Variants in BMPR2 observed in about 807,000 individuals in gnomAD.
BMPR2 encodes bone morphogenetic protein receptor type-2.
A neutral mutation model predicts 100.8 loss-of-function variants in BMPR2; 29 were observed. The observed-to-expected ratio is 0.29, with a 90% CI of 0.21 to 0.39. BMPR2 has a LOEUF of 0.39. BMPR2 is among the 10% of genes least tolerant of loss of function. The pLI, the probability that BMPR2 is intolerant of heterozygous loss-of-function variation, is 1.00. For synonymous variants in BMPR2, 382 were observed against 442.3 expected (o/e 0.86, Z 1.71); for missense variants, 1,011 against 1,274.5 (o/e 0.79, Z 3.15).
chr2:202,428,726 C>T (rs1178952475), intron 1 of BMPR2, among the ~76,000 whole-genome samples: 4 of 152,124 alleles, frequency 2.6e-5, no homozygotes. Context: ...CACATGTGTA[C>T]ACACGCATAC....
intron 7 of BMPR2, among the ~76,000 whole-genome samples, chr2:202,524,392 G>A (rs1687871938): frequency 6.6e-6 from 1 of 150,874 alleles, no homozygotes; most frequent in African/African-American, 2.4e-5. Context: ...TACCTGTTGG[G>A]TACTATGCTC....
At chr2:202,476,354 A>T (rs1230439942) in intron 3 of BMPR2, among the ~76,000 whole-genome samples, 1 of 152,152 alleles carries the variant, frequency 6.6e-6, no homozygotes, top group African/African-American at 2.4e-5. Flanking sequence ...ATATGCAAAA[A>T]CTAATTACCC....
intron 12 of BMPR2, among the ~76,000 whole-genome samples, chr2:202,556,814 G>T: frequency 6.6e-6 from 1 of 150,802 alleles, no homozygotes; most frequent in East Asian, 1.9e-4. Context: ...GCCAGGCGCG[G>T]TGGCTCACGC....
At chr2:202,458,778 TTA>T (rs1574459986) in intron 1 of BMPR2, among the ~76,000 whole-genome samples, 1 of 152,226 alleles carries the variant, frequency 6.6e-6, no homozygotes, top group East Asian at 1.9e-4. Flanking sequence ...GCAAACTTAC[TTA>T]TAATTACAAT....
At chr2:202,410,863 G>A (rs1375709486) in intron 1 of BMPR2, among the ~76,000 whole-genome samples, 1 of 152,130 alleles carries the variant, frequency 6.6e-6, no homozygotes, top group East Asian at 1.9e-4. Context: ...ACAGACGTGA[G>A]CCACTGCGCC....
intron 3 of BMPR2, among the ~76,000 whole-genome samples, chr2:202,506,843 T>A (rs1448642422): frequency 6.6e-6 from 1 of 151,998 alleles, no homozygotes; most frequent in African/African-American, 2.4e-5. Flanking sequence ...GAGGTTGCAG[T>A]GAGCTGAGAT....
chr2:202,506,896 G>A (rs1687529253), intron 3 of BMPR2, among the ~76,000 whole-genome samples: 1 of 151,442 alleles, frequency 6.6e-6, no homozygotes, highest in Non-Finnish European at 1.5e-5. Flanking sequence ...GCGAAACTCT[G>A]TCTCAAAAAA....
At chr2:202,387,247 A>C (rs1380537442) in intron 1 of BMPR2, among the ~76,000 whole-genome samples, 1 of 152,244 alleles carries the variant, frequency 6.6e-6, no homozygotes, top group African/African-American at 2.4e-5. Context: ...CAGTGGCTAC[A>C]ATTAGTTAAT....
chr2:202,457,555 T>TAG (rs1173505874), intron 1 of BMPR2, among the ~76,000 whole-genome samples: 27 of 99,984 alleles, frequency 2.7e-4, no homozygotes, highest in Admixed American at 1.4e-3. Flanking sequence ...TATATATATA[T>TAG]ATATATAGAG....
intron 1 of BMPR2, among the ~76,000 whole-genome samples, chr2:202,397,653 C>A (rs922562400): frequency 2.0e-4 from 31 of 151,460 alleles, no homozygotes; most frequent in African/African-American, 7.3e-4. Context: ...GGCATGCCAC[C>A]ACGCCCACCT....
chr2:202,446,960 A>T (rs992023597), intron 1 of BMPR2, among the ~76,000 whole-genome samples: 2 of 148,834 alleles, frequency 1.3e-5, no homozygotes, highest in Non-Finnish European at 2.9e-5. Context: ...ATAAATTTTT[A>T]AAAATGCAGT....
intron 1 of BMPR2, among the ~76,000 whole-genome samples, chr2:202,462,497 G>A (rs972233654): frequency 3.9e-5 from 6 of 152,118 alleles, no homozygotes; most frequent in African/African-American, 1.4e-4. Flanking sequence ...GGGATTACAG[G>A]CGTGAGCCAC....
chr2:202,474,591 T>C (rs1692504047), intron 3 of BMPR2: 1 of 152,100 alleles, frequency 6.6e-6, no homozygotes, highest in Non-Finnish European at 1.5e-5. Flanking sequence ...CTCACTCGGC[T>C]CACTGCAAGC....
chr2:202,505,868 T>G (rs1186505579), intron 3 of BMPR2, among the ~76,000 whole-genome samples: 1 of 152,230 alleles, frequency 6.6e-6, no homozygotes, highest in Admixed American at 6.5e-5. Context: ...CAACTGGTTG[T>G]TAATGATAAT....
chr2:202,537,366 A>G (rs1162551140), intron 9 of BMPR2, among the ~76,000 whole-genome samples: 1 of 152,248 alleles, frequency 6.6e-6, no homozygotes. Flanking sequence ...TCAAAGAATG[A>G]CTATCGCTTT....
intron 1 of BMPR2, 145 bp downstream of exon 1, chr2:202,377,695 G>C: frequency 1.1e-6 from 1 of 927,284 alleles, no homozygotes; most frequent in Non-Finnish European, 1.7e-6. Flanking sequence ...GTGCCTGCGC[G>C]CCTGCCCCAT....
chr2:202,402,116 G>T (rs573382178), intron 1 of BMPR2, among the ~76,000 whole-genome samples: 1 of 152,342 alleles, frequency 6.6e-6, no homozygotes, highest in Admixed American at 6.5e-5. Context: ...CATCCAAGAG[G>T]AGCAGTTGGG....
chr2:202,516,890 A>T (rs1281339532), intron 5 of BMPR2, among the ~76,000 whole-genome samples: 2 of 152,230 alleles, frequency 1.3e-5, no homozygotes, highest in Non-Finnish European at 2.9e-5. Flanking sequence ...ATGAAACACA[A>T]CATATATCCT....
chr2:202,464,782 G>A (rs751917686), intron 1 of BMPR2, 27 bp from the exon 2 acceptor site: 2 of 1,591,340 alleles, frequency 1.3e-6, no homozygotes, highest in East Asian at 2.2e-5. Context: ...TAAATAATTT[G>A]TCATTCCTTT....
Sources: allele counts gnomAD v4.1 joint callset (sites outside exome capture counted in the v4.1 genomes callset), GRCh38; gene constraint gnomAD v4.1.1; transcripts MANE v1.5; gene names NCBI Gene and HGNC (gene_info 2026-07-23, HGNC 2026-07-21).